GRM8: variants seen among roughly 807,000 people sequenced by gnomAD.
GRM8 encodes glutamate metabotropic receptor 8.
Under a neutral mutation model 87.2 loss-of-function variants are expected in GRM8, and 47 were observed. That is an observed-to-expected ratio of 0.54 (90% CI 0.43 to 0.69). The LOEUF (loss-of-function observed/expected upper bound fraction) is 0.69. Among genes scored for constraint, GRM8 ranks in the 30% least tolerant of loss-of-function variants. GRM8 has a pLI of 0.00. For missense variants in GRM8, 1,019 were observed against 1,139.2 expected (o/e 0.89, Z 1.52); for synonymous variants, 396 against 404.5 (o/e 0.98, Z 0.25).
At chr7:126,586,715 A>T (rs1190620475) in intron 8 of GRM8, among the ~76,000 whole-genome samples, 1 of 152,206 alleles carries the variant, frequency 6.6e-6, no homozygotes, top group Admixed American at 6.5e-5. Flanking sequence ...TAGACCTAAA[A>T]CCATAAAAAC....
chr7:126,879,518 G>T (rs949446081), intron 6 of GRM8, among the ~76,000 whole-genome samples: 3 of 151,944 alleles, frequency 2.0e-5, no homozygotes, highest in African/African-American at 7.3e-5. Context: ...AAACACATTT[G>T]GGAAATGTTT....
intron 10 of GRM8, among the ~76,000 whole-genome samples, chr7:126,444,086 A>G (rs1381636691): frequency 6.6e-6 from 1 of 151,936 alleles, no homozygotes; most frequent in Non-Finnish European, 1.5e-5. Context: ...AAAAGAAAAA[A>G]AAAAGAGAAA....
At chr7:126,679,846 A>G (rs1807353601) in intron 7 of GRM8, among the ~76,000 whole-genome samples, 1 of 152,090 alleles carries the variant, frequency 6.6e-6, no homozygotes, top group Non-Finnish European at 1.5e-5. Flanking sequence ...CCTGGCCAAC[A>G]TGGCAAAACC....
At chr7:126,473,020 T>G (rs1209601216) in intron 9 of GRM8, among the ~76,000 whole-genome samples, 1 of 152,188 alleles carries the variant, frequency 6.6e-6, no homozygotes, top group Admixed American at 6.6e-5. Context: ...GGCAGAGGTG[T>G]GCTGCAGGGA....
At position 126,770,038 on chromosome 7, in the gene GRM8, G is replaced by T; in HGVS notation, c.1184C>A (p.Ser395Tyr). Residue 395 changes from serine to tyrosine, a missense_variant, in exon 7 of 11, where the codon TCT (serine) becomes TAT (tyrosine). By Grantham distance (144) the Ser-to-Tyr change is moderately radical. Coordinates refer to ENST00000339582, the MANE Select transcript of GRM8 (RefSeq NM_000845.3). ...TTGGACCTTTCCTTCCTGTTCATAA[G>T]ATGAATCCCGAGCAATTCGCTCCAG... ...TGLERIARDS[S>Y]YEQEGKVQFV... 1 of 1,612,346 alleles carries T rather than the reference G, an allele frequency of 6.2e-7. No homozygotes were observed. Among genetic ancestry groups the T allele is most frequent in the Non-Finnish European group, 8.5e-7 (1 of 1,178,954 alleles).
At chr7:126,819,250 CCCTT>C (rs996186379) in intron 6 of GRM8, among the ~76,000 whole-genome samples, 3 of 118,762 alleles carry the variant, frequency 2.5e-5, no homozygotes, top group Non-Finnish European at 5.8e-5. Flanking sequence ...CTTTCTCACT[CCCTT>C]CCTATTCAGA....
At chr7:126,951,223 C>G (rs554021205) in intron 3 of GRM8, among the ~76,000 whole-genome samples, 1 of 152,124 alleles carries the variant, frequency 6.6e-6, no homozygotes, top group East Asian at 1.9e-4. Flanking sequence ...CATAACTGCC[C>G]ATTTGTACAA....
chr7:126,918,287 T>C (rs1486469380), intron 3 of GRM8, among the ~76,000 whole-genome samples: 2 of 152,202 alleles, frequency 1.3e-5, no homozygotes. Context: ...TATGCTTGAT[T>C]CAGCCAGCCA....
At chr7:127,014,575 G>A (rs557006328) in intron 3 of GRM8, among the ~76,000 whole-genome samples, 57 of 152,046 alleles carry the variant, frequency 3.7e-4, no homozygotes, top group African/African-American at 9.2e-4. Context: ...CTCATAATAC[G>A]GTTGTGCAGA....
In GRM8 at chr7:126,769,691, T is replaced by TA. The variant is rs201962102; in HGVS notation, c.1357+173dup. 8.4e-4 allele frequency among the ~76,000 whole-genome samples: 128 copies of TA among 152,172 alleles called. 3 individuals carry two copies. The East Asian group carries it at 0.019, about 23-fold the overall frequency. On this transcript the variant is annotated intron_variant, in intron 7 of 10. Transcript: ENST00000339582. ...CTTCACGCATAGATTAATGGTAGCA[T>TA]AAAAAATATGTTTGAGATTCAAAAG...
intron 6 of GRM8, among the ~76,000 whole-genome samples, chr7:126,798,014 G>C (rs1822165334): frequency 6.6e-6 from 1 of 152,124 alleles, no homozygotes; most frequent in Non-Finnish European, 1.5e-5. Flanking sequence ...ACTGCAAGAA[G>C]AGAACGCCTC....
At chr7:126,620,093 C>T (rs1585249960) in intron 7 of GRM8, among the ~76,000 whole-genome samples, 2 of 152,098 alleles carry the variant, frequency 1.3e-5, no homozygotes, top group Non-Finnish European at 2.9e-5. Context: ...AGTTCAAGAC[C>T]AGCCTGGGCA....
chr7:127,209,904 A>G (rs971281082), intron 2 of GRM8, among the ~76,000 whole-genome samples: 6 of 152,134 alleles, frequency 3.9e-5, no homozygotes, highest in Admixed American at 1.3e-4. Context: ...CCATGGCTCA[A>G]TGAGAGCTTC....
At chr7:126,920,727 T>G (rs527965254) in intron 3 of GRM8, among the ~76,000 whole-genome samples, 3 of 152,056 alleles carry the variant, frequency 2.0e-5, no homozygotes, top group Non-Finnish European at 4.4e-5. Flanking sequence ...GAAGACATAG[T>G]GAGTTTCTAT....
chr7:126,755,008 C>T (rs1057343657), intron 7 of GRM8, among the ~76,000 whole-genome samples: 1 of 147,602 alleles, frequency 6.8e-6, no homozygotes, highest in Non-Finnish European at 1.5e-5. Flanking sequence ...ATTAGCATAT[C>T]ATTGTCCAAA....
At chr7:127,241,433 T>C (rs1398595199) in intron 2 of GRM8, among the ~76,000 whole-genome samples, 2 of 142,942 alleles carry the variant, frequency 1.4e-5, no homozygotes, top group Non-Finnish European at 3.0e-5. Flanking sequence ...GACCTTTTTT[T>C]TTTCTTTTTT....
intron 7 of GRM8, among the ~76,000 whole-genome samples, chr7:126,696,098 G>C (rs551663597): frequency 2.0e-4 from 31 of 152,244 alleles, no homozygotes; most frequent in African/African-American, 7.0e-4. Context: ...CTTGATTGAA[G>C]GTAGAATACA....
chr7:126,750,459 GT>G (rs934670067), intron 7 of GRM8, among the ~76,000 whole-genome samples: 3 of 151,790 alleles, frequency 2.0e-5, no homozygotes, highest in African/African-American at 7.3e-5. Flanking sequence ...AAATTGATGG[GT>G]TTTACCGTGT....
At chr7:126,881,637 T>C (rs1273188773) in intron 6 of GRM8, among the ~76,000 whole-genome samples, 1 of 152,208 alleles carries the variant, frequency 6.6e-6, no homozygotes, top group Non-Finnish European at 1.5e-5. Flanking sequence ...TGTAGCCTTC[T>C]GGAGGATGGC....
Sources: allele counts gnomAD v4.1 joint callset (sites outside exome capture counted in the v4.1 genomes callset), GRCh38; gene constraint gnomAD v4.1.1; transcripts MANE v1.5; gene names NCBI Gene and HGNC (gene_info 2026-07-23, HGNC 2026-07-21).